CRISP1: variants seen among roughly 807,000 people sequenced by gnomAD.
The protein encoded by CRISP1 is cysteine rich secretory protein 1, also known as cysteine-rich secretory protein 1.
CRISP1 carries 44 observed loss-of-function variants against 33.1 expected under a neutral mutation model. That is an observed-to-expected ratio of 1.33 (90% CI 1.05 to 1.71). CRISP1 has a LOEUF of 1.71. Among genes scored for constraint, CRISP1 ranks in the 40% most tolerant of loss-of-function variants. CRISP1 has a pLI of 0.00. For synonymous variants in CRISP1, 103 were observed against 98.7 expected (o/e 1.04, Z -0.26); for missense variants, 390 against 301.2 (o/e 1.29, Z -2.18).
At chr6:49,861,314 C>A (rs1771646414) in intron 1 of CRISP1, among the ~76,000 whole-genome samples, 1 of 152,024 alleles carries the variant, frequency 6.6e-6, no homozygotes, top group African/African-American at 2.4e-5. Context: ...GGCCAATATC[C>A]CTGATGAACA....
chr6:49,836,502 A>AT (rs936972079), intron 7 of CRISP1, among the ~76,000 whole-genome samples: 31 of 148,678 alleles, frequency 2.1e-4, no homozygotes, highest in East Asian at 4.0e-4. Context: ...CGCCCTGCTA[A>AT]TTTTTTTTTT....
intron 2 of CRISP1, among the ~76,000 whole-genome samples, chr6:49,853,258 C>T (rs1771403896): frequency 6.6e-6 from 1 of 152,120 alleles, no homozygotes; most frequent in Non-Finnish European, 1.5e-5. Flanking sequence ...TTGCTCCTCT[C>T]AAAATCTCTG....
chr6:49,870,184 G>A (rs1326997489), upstream of CRISP1, among the ~76,000 whole-genome samples: 1 of 152,174 alleles, frequency 6.6e-6, no homozygotes, highest in Non-Finnish European at 1.5e-5. Flanking sequence ...ACCAAGTCTG[G>A]CAATCACATG....
At chr6:49,852,901 T>C (rs1464959370) in intron 2 of CRISP1, among the ~76,000 whole-genome samples, 3 of 150,896 alleles carry the variant, frequency 2.0e-5, no homozygotes, top group African/African-American at 4.9e-5. Context: ...CACATGTACT[T>C]CATACCTTTT....
chr6:49,873,505 G>A (rs1200519362), intron 1 of CRISP1, among the ~76,000 whole-genome samples: 4 of 151,928 alleles, frequency 2.6e-5, no homozygotes, highest in African/African-American at 7.2e-5. Context: ...CCTCATGTTA[G>A]GCTATTTTTC....
intron 2 of CRISP1, 25 bp from the exon 3 acceptor site, chr6:49,852,154 G>A (rs757494375): frequency 2.5e-6 from 4 of 1,602,486 alleles, no homozygotes; most frequent in African/African-American, 1.3e-5. Context: ...ATATTAATTA[G>A]TGTTACTTCT....
chr6:49,849,523 G>A (rs542497306), intron 3 of CRISP1, among the ~76,000 whole-genome samples: 1 of 152,122 alleles, frequency 6.6e-6, no homozygotes, highest in East Asian at 1.9e-4. Flanking sequence ...TCATTTTTGT[G>A]CTGCAAGCAA....
At chr6:49,837,816 G>A (rs564705482) in intron 7 of CRISP1, among the ~76,000 whole-genome samples, 1 of 151,706 alleles carries the variant, frequency 6.6e-6, no homozygotes, top group African/African-American at 2.4e-5. Context: ...GCTTCAAAAA[G>A]TGAAATTTGG....
At chr6:49,841,519 A>G (rs1177081324) in intron 5 of CRISP1, among the ~76,000 whole-genome samples, 1 of 152,236 alleles carries the variant, frequency 6.6e-6, no homozygotes, top group Non-Finnish European at 1.5e-5. Context: ...ATACTCAGGG[A>G]TGATCAAAAC....
At chr6:49,850,549 ATTG>A (rs1204132551) in intron 3 of CRISP1, among the ~76,000 whole-genome samples, 1 of 151,790 alleles carries the variant, frequency 6.6e-6, no homozygotes, top group Non-Finnish European at 1.5e-5. Context: ...CTTCAGTCCT[ATTG>A]TTCCTTAAAT....
At chr6:49,851,354 AG>A (rs556258261) in intron 3 of CRISP1, among the ~76,000 whole-genome samples, 3 of 152,238 alleles carry the variant, frequency 2.0e-5, no homozygotes, top group Admixed American at 2.0e-4. Flanking sequence ...AACAAATGTG[AG>A]GGTAATCACC....
rs183826303 is a variant in CRISP1, at chr6:49,849,412, T to C, written c.196-1113A>G. On this transcript the variant is annotated intron_variant, in intron 3 of 7. Transcript: ENST00000335847. ...TCCCTCTTGTTTTCTGTCCCTCCTATATAAACTTTTAACTTTGGTTGGTTA... is the reference window on the plus strand; with the variant it reads ...TCCCTCTTGTTTTCTGTCCCTCCTACATAAACTTTTAACTTTGGTTGGTTA... 2.6e-5 allele frequency among the ~76,000 whole-genome samples: 4 copies of C among 152,220 alleles called. No individual in the cohort carries two copies. The East Asian group carries it at 7.7e-4, about 29-fold the overall frequency.
At chr6:49,838,612 A>T in intron 6 of CRISP1, 87 bp from the exon 7 acceptor site, 2 of 907,776 alleles carry the variant, frequency 2.2e-6, no homozygotes, top group Non-Finnish European at 3.4e-6. Context: ...AATTTTAAAA[A>T]CAAATTGTGT....
intron 6 of CRISP1, among the ~76,000 whole-genome samples, chr6:49,838,820 G>C (rs569929913): frequency 6.6e-6 from 1 of 152,076 alleles, no homozygotes; most frequent in Non-Finnish European, 1.5e-5. Flanking sequence ...GTACAAGCAA[G>C]GGGACTCACA....
chr6:49,869,894 T>C (rs1771884039), upstream of CRISP1, among the ~76,000 whole-genome samples: 2 of 152,068 alleles, frequency 1.3e-5, no homozygotes, highest in Non-Finnish European at 2.9e-5. Flanking sequence ...ATCCCAGGGG[T>C]ACTAAACCCA....
intron 1 of CRISP1, among the ~76,000 whole-genome samples, chr6:49,861,703 G>A (rs904767247): frequency 3.3e-5 from 5 of 151,998 alleles, no homozygotes; most frequent in Non-Finnish European, 7.4e-5. Flanking sequence ...GTGCAACATG[G>A]TGAAACCTCG....
chr6:49,864,737 A>G (rs1450573119), intron 1 of CRISP1, among the ~76,000 whole-genome samples: 2 of 151,926 alleles, frequency 1.3e-5, no homozygotes, highest in East Asian at 3.8e-4. Flanking sequence ...TGTTTTTTCC[A>G]TGGTTGTAAT....
intron 2 of CRISP1, 152 bp downstream of exon 2, chr6:49,857,183 T>C: frequency 1.6e-6 from 1 of 629,002 alleles, no homozygotes; most frequent in Non-Finnish European, 2.8e-6. Context: ...GGTATTAAGA[T>C]GAGTACTTGC....
At chr6:49,863,452 C>T (rs1054140140) in intron 1 of CRISP1, among the ~76,000 whole-genome samples, 3 of 152,166 alleles carry the variant, frequency 2.0e-5, no homozygotes, top group Non-Finnish European at 4.4e-5. Context: ...ACTTCATTGG[C>T]TTTAGCATCA....
Sources: allele counts gnomAD v4.1 joint callset (sites outside exome capture counted in the v4.1 genomes callset), GRCh38; gene constraint gnomAD v4.1.1; transcripts MANE v1.5; gene names NCBI Gene and HGNC (gene_info 2026-07-23, HGNC 2026-07-21).